Variants in CAMKMT observed in about 807,000 individuals in gnomAD.
CAMKMT encodes the protein calmodulin-lysine N-methyltransferase.
In CAMKMT, 53 loss-of-function variants were observed where a neutral mutation model predicts 48.0. That is an observed-to-expected ratio of 1.10 (90% CI 0.89 to 1.39). The LOEUF is 1.39. Among genes scored for constraint, CAMKMT ranks in the 40% most tolerant of loss-of-function variants. CAMKMT has a pLI of 0.00. For synonymous variants in CAMKMT, 165 were observed against 152.3 expected (o/e 1.08, Z -0.61); for missense variants, 428 against 402.7 (o/e 1.06, Z -0.54).
intron 7 of CAMKMT, among the ~76,000 whole-genome samples, chr2:44,732,847 G>A (rs1286069094): frequency 6.6e-6 from 1 of 152,110 alleles, no homozygotes; most frequent in African/African-American, 2.4e-5. Flanking sequence ...TACTATATAT[G>A]ATTTGCCATT....
intron 3 of CAMKMT, among the ~76,000 whole-genome samples, chr2:44,639,842 CA>C (rs375518205): frequency 1.6e-4 from 24 of 152,266 alleles, no homozygotes; most frequent in African/African-American, 5.3e-4. Context: ...TATATAAGGA[CA>C]TCAGGGTAAC....
rs1451701931 is a variant in CAMKMT, at chr2:44,536,926, A to G, written c.376+146621A>G. Among the ~76,000 whole-genome samples, 3 of 152,024 alleles carry G rather than the reference A, an allele frequency of 2.0e-5. No homozygotes were observed. In the East Asian group the frequency reaches 5.8e-4, roughly 29 times the overall value. ...TATACATTAGTAGGACAGTCTCCTCAATAAATGGTACTGGGAAAGCTGGAT... is the reference window on the plus strand; with the variant it reads ...TATACATTAGTAGGACAGTCTCCTCGATAAATGGTACTGGGAAAGCTGGAT... On this transcript the variant is annotated intron_variant, in intron 3 of 10. Coordinates refer to ENST00000378494, the MANE Select transcript of CAMKMT (RefSeq NM_024766.5).
At chr2:44,624,712 A>G (rs149267589) in intron 3 of CAMKMT, among the ~76,000 whole-genome samples, 80,585 of 151,962 alleles carry the variant, frequency 0.53, 23,997 homozygotes, top group Admixed American at 0.66. Context: ...CATTTTCTTA[A>G]TCCAGTCTAT....
intron 9 of CAMKMT, among the ~76,000 whole-genome samples, chr2:44,757,562 G>A (rs1680433390): frequency 6.7e-6 from 1 of 149,770 alleles, no homozygotes; most frequent in South Asian, 2.1e-4. Flanking sequence ...ACAGACTATG[G>A]GGGCTTTTTT....
chr2:44,592,276 G>C (rs1670339570), intron 3 of CAMKMT, among the ~76,000 whole-genome samples: 1 of 135,168 alleles, frequency 7.4e-6, no homozygotes, highest in Non-Finnish European at 1.6e-5. Context: ...GCAATATTCA[G>C]GTTATTTCTT....
intron 3 of CAMKMT, among the ~76,000 whole-genome samples, chr2:44,505,437 C>T (rs952584301): frequency 6.6e-6 from 1 of 152,128 alleles, no homozygotes; most frequent in African/African-American, 2.4e-5. Context: ...GTGCTTTTGG[C>T]ATCAATTCTA....
At chr2:44,575,956 C>T (rs949778406) in intron 3 of CAMKMT, among the ~76,000 whole-genome samples, 1 of 152,084 alleles carries the variant, frequency 6.6e-6, no homozygotes, top group Non-Finnish European at 1.5e-5. Flanking sequence ...ATATCCTGAT[C>T]TGGGAAATGT....
chr2:44,368,501 T>C (rs1264497481), intron 1 of CAMKMT, among the ~76,000 whole-genome samples: 1 of 152,228 alleles, frequency 6.6e-6, no homozygotes, highest in Non-Finnish European at 1.5e-5. Context: ...TATTAGCTTG[T>C]TGTCGTATTG....
rs1253263575 is a variant in CAMKMT at position 44,595,747 on chromosome 2, A to G, written c.377-108536A>G. On this transcript the variant is annotated intron_variant, in intron 3 of 10. Coordinates refer to ENST00000378494, the MANE Select transcript of CAMKMT (RefSeq NM_024766.5). ...TTGGAACCAACCTAAATGCCCATGA[A>G]TCATAGACTGGATAAATGAAATGTG... 2.6e-5 allele frequency among the ~76,000 whole-genome samples: 4 copies of G among 152,228 alleles called. No homozygotes were observed. In the East Asian group the frequency reaches 7.7e-4, roughly 29 times the overall value.
intron 8 of CAMKMT, among the ~76,000 whole-genome samples, chr2:44,750,090 G>A (rs749864552): frequency 2.0e-5 from 3 of 152,026 alleles, no homozygotes; most frequent in African/African-American, 4.8e-5. Flanking sequence ...CCAAACAAAC[G>A]TATTTGAAAT....
intron 3 of CAMKMT, among the ~76,000 whole-genome samples, chr2:44,647,907 C>CAAAAAA (rs756753917): frequency 3.7e-4 from 11 of 29,496 alleles, no homozygotes; most frequent in East Asian, 1.1e-3. Flanking sequence ...GACTCCGTCT[C>CAAAAAA]AAAAAAAAAA....
chr2:44,421,710 C>A lies in CAMKMT; in HGVS notation c.376+31405C>A, dbSNP rs1683946743. 2.0e-5 allele frequency among the ~76,000 whole-genome samples: 3 copies of A among 152,020 alleles called. No homozygotes were observed. The South Asian group carries it at 6.2e-4, about 32-fold the overall frequency. On this transcript the variant is annotated intron_variant, in intron 3 of 10. Coordinates refer to ENST00000378494, the MANE Select transcript of CAMKMT (RefSeq NM_024766.5). ...TTTTGAAAGCATTCTCTTTTTCTTA[C>A]TAAATCAAAAACAGAGAAAACTTAG...
intron 3 of CAMKMT, among the ~76,000 whole-genome samples, chr2:44,490,385 C>G (rs74427717): frequency 6.6e-6 from 1 of 152,152 alleles, no homozygotes; most frequent in Non-Finnish European, 1.5e-5. Context: ...AAGTGATTCT[C>G]CTGCCTCAGC....
At chr2:44,453,606 A>C (rs889245450) in intron 3 of CAMKMT, among the ~76,000 whole-genome samples, 5 of 152,104 alleles carry the variant, frequency 3.3e-5, no homozygotes, top group Admixed American at 6.6e-5. Context: ...AGTATAGAGA[A>C]TGGATTCAGT....
intron 3 of CAMKMT, among the ~76,000 whole-genome samples, chr2:44,467,225 C>T (rs1668166220): frequency 6.6e-6 from 1 of 151,896 alleles, no homozygotes; most frequent in African/African-American, 2.4e-5. Flanking sequence ...ACACTGTACT[C>T]AGCAAGACCC....
At chr2:44,427,197 C>T (rs931194639) in intron 3 of CAMKMT, among the ~76,000 whole-genome samples, 4 of 152,196 alleles carry the variant, frequency 2.6e-5, no homozygotes, top group Admixed American at 1.3e-4. Context: ...GATCTCGAAC[C>T]ATAAAAATTC....
At chr2:44,747,139 G>A (rs1045924991) in intron 8 of CAMKMT, among the ~76,000 whole-genome samples, 2 of 152,112 alleles carry the variant, frequency 1.3e-5, no homozygotes, top group Non-Finnish European at 2.9e-5. Flanking sequence ...AAGAAATAAG[G>A]GAAAGTACAT....
chr2:44,551,046 A>C (rs1454506391), intron 3 of CAMKMT, among the ~76,000 whole-genome samples: 1 of 152,180 alleles, frequency 6.6e-6, no homozygotes, highest in Non-Finnish European at 1.5e-5. Context: ...TATTGTAAAA[A>C]GTCTCATCTA....
intron 3 of CAMKMT, among the ~76,000 whole-genome samples, chr2:44,674,129 T>A (rs1322007658): frequency 6.6e-6 from 1 of 152,222 alleles, no homozygotes; most frequent in Non-Finnish European, 1.5e-5. Flanking sequence ...AATTTGACGT[T>A]CCTGTCCTGG....
Sources: gnomAD v4.1 joint callset for allele counts (sites outside exome capture counted in the v4.1 genomes callset) on GRCh38, gnomAD v4.1.1 for gene constraint, MANE v1.5 for transcripts, NCBI Gene and HGNC (gene_info 2026-07-23, HGNC 2026-07-21) for gene names.